The following CAPN11 variants were observed in gnomAD, a reference collection of about 807,000 sequenced individuals.
CAPN11 encodes the protein calpain 11.
CAPN11 carries 108 observed loss-of-function variants against 105.3 expected under a neutral mutation model. That is an observed-to-expected ratio of 1.03 (90% CI 0.88 to 1.20). The LOEUF (loss-of-function observed/expected upper bound fraction) is 1.20. Ranked by LOEUF, CAPN11 falls within the 50% of genes most tolerant of loss-of-function variation. The pLI, the probability that CAPN11 is intolerant of heterozygous loss-of-function variation, is 0.00. For missense variants in CAPN11, 883 were observed against 924.8 expected, an observed-to-expected ratio of 0.95 and a Z score of 0.59; for synonymous variants, 329 against 344.5, an observed-to-expected ratio of 0.96 and a Z score of 0.50.
At position 44,177,421 on chromosome 6, in the gene CAPN11, G is replaced by T. The variant is rs779326578; in HGVS notation, c.1416+1G>T. The T allele has an allele frequency of 3.7e-6, 6 of 1,608,348 alleles. No individual in the cohort carries two copies. Among genetic ancestry groups the T allele is most frequent in the Admixed American group, 3.3e-5 (2 of 59,906 alleles). On this transcript the variant is annotated splice_donor_variant, in intron 12 of 22. Transcript: ENST00000398776. LOFTEE classifies it high-confidence loss of function. ...GACCATTGGCTTTGTCCTCTACGCG[G>T]TGGGTGCCTGGCTGGTCTCGCCCGC... is the stretch of plus-strand genomic sequence containing the variant.
chr6:44,162,374 C>G (rs1036160238), intron 1 of CAPN11, among the ~76,000 whole-genome samples: 1 of 125,406 alleles, frequency 8.0e-6, no homozygotes, highest in South Asian at 2.7e-4. Context: ...TAAAGACACA[C>G]ACACACACAC....
intron 13 of CAPN11, 56 bp from the exon 14 acceptor site, chr6:44,179,896 C>A: frequency 7.2e-7 from 1 of 1,395,744 alleles, no homozygotes; most frequent in Non-Finnish European, 1.0e-6. Context: ...CCCTGGGGGA[C>A]CCTCCCTCCC....
At chr6:44,160,122 G>A (rs566926256) in intron 1 of CAPN11, among the ~76,000 whole-genome samples, 38 of 151,802 alleles carry the variant, frequency 2.5e-4, no homozygotes, top group African/African-American at 8.0e-4. Flanking sequence ...GCGACACAGC[G>A]AGACTCCATC....
In CAPN11 at chr6:44,176,581, T is replaced by A; in HGVS notation, c.1002T>A (p.Ser334Arg). 1 of 1,612,160 alleles carries A rather than the reference T, an allele frequency of 6.2e-7. No homozygotes were observed. The highest frequency in any genetic ancestry group is 8.5e-7 in the Non-Finnish European group (1 of 1,178,694). ...CTTCCACCGCCCATCTCTGCTCCAG[T>A]GCCAGGGAGTGGGAAGAGGTGGCCT... ...RIEWNGAWSD[S>R]AREWEEVASD... Residue 334 changes from serine to arginine, a missense_variant and splice_region_variant, in exon 10 of 23, where the codon AGT becomes AGA. Transcript: ENST00000398776.
rs751274577 is a variant in CAPN11, at chr6:44,173,038, G to A, written c.627G>A (p.Glu209=). The A allele has an allele frequency of 1.6e-5, 26 of 1,613,484 alleles. No homozygotes were observed. The Admixed American group carries it at 4.2e-4, about 26-fold the overall frequency. The change falls in exon 6 of 23, where the codon GAG becomes GAA. Residue 209 remains glutamate, a synonymous_variant. Coordinates refer to ENST00000398776, the MANE Select transcript of CAPN11 (RefSeq NM_007058.4). ...LVFVHSTERS[E]FWSALLEKAY... is the part of the protein sequence containing the mutation. ...TTGTGCACTCAACCGAACGCAGTGA[G>A]TTCTGGAGTGCCCTGCTGGAGAAGG...
At chr6:44,172,818 C>T in intron 5 of CAPN11, 122 bp from the exon 6 acceptor site, 1 of 1,170,682 alleles carries the variant, frequency 8.5e-7, no homozygotes, top group Non-Finnish European at 1.2e-6. Context: ...GTTGCCTTTC[C>T]CTCTCTATTC....
At position 44,176,948 on chromosome 6, in the gene CAPN11, A is replaced by T. The variant is rs773893041; in HGVS notation, c.1187A>T (p.Glu396Val). ...YKSYWHTTFY[E>V]GSWRRGSSAG... is the part of the protein sequence containing the mutation. ...AGCTACTGGCACACCACCTTCTACG[A>T]GGGCAGCTGGCGCAGAGGCAGCTCC... The change falls in exon 11 of 23, where the codon GAG becomes GTG. Residue 396 changes from glutamate (E) to valine (V), a missense_variant. Coordinates refer to ENST00000398776, the MANE Select transcript of CAPN11 (RefSeq NM_007058.4). The T allele has an allele frequency of 6.1e-5, 98 of 1,613,682 alleles. No homozygotes were observed. The highest frequency in any genetic ancestry group is 7.6e-5 in the Non-Finnish European group (90 of 1,179,862).
At position 44,158,881 on chromosome 6, in the gene CAPN11, C is replaced by T. The variant is rs962485257; in HGVS notation, c.16+17C>T. The T allele has an allele frequency of 1.9e-6, 3 of 1,549,928 alleles. No homozygotes were observed. The highest frequency in any genetic ancestry group is 2.6e-6 in the Non-Finnish European group (3 of 1,145,542). On this transcript the variant is annotated intron_variant, in intron 1 of 22. Transcript: ENST00000398776. Reference sequence around the variant, plus strand: ...ACTCCCCAGGTAGGCACTCATGGGGCCTTGCCCCACTCCTGTACCTCCTGC... The same window carrying T: ...ACTCCCCAGGTAGGCACTCATGGGGTCTTGCCCCACTCCTGTACCTCCTGC...
chr6:44,160,625 C>A (rs995448781), intron 1 of CAPN11, among the ~76,000 whole-genome samples: 7 of 151,432 alleles, frequency 4.6e-5, no homozygotes, highest in African/African-American at 7.3e-5. Flanking sequence ...TCAAAAAAAA[C>A]CTCAAAAAAC....
At chr6:44,172,896 A>G (rs375296253) in intron 5 of CAPN11, 44 bp from the exon 6 acceptor site, 46 of 1,599,676 alleles carry the variant, frequency 2.9e-5, no homozygotes, top group Non-Finnish European at 3.7e-5. Context: ...GAGGCGCTTG[A>G]TGATAGGGTT....
intron 2 of CAPN11, among the ~76,000 whole-genome samples, chr6:44,168,038 A>G (rs986242991): frequency 1.3e-5 from 2 of 152,148 alleles, no homozygotes; most frequent in Non-Finnish European, 2.9e-5. Context: ...AATGGAAAAA[A>G]ACCCAAAAAA....
At chr6:44,162,720 C>T (rs535392720) in intron 1 of CAPN11, among the ~76,000 whole-genome samples, 1 of 152,290 alleles carries the variant, frequency 6.6e-6, no homozygotes, top group African/African-American at 2.4e-5. Flanking sequence ...TTTCATGGCA[C>T]TTTCTCCTGT....
chr6:44,177,271 ATCTC>A lies in CAPN11; in HGVS notation c.1271_1274del (p.Ser424PhefsTer24). On this transcript the variant is annotated frameshift_variant, in exon 12 of 23. Transcript: ENST00000398776. LOFTEE classifies it high-confidence loss of function. ...GTTCTGGACCAACCCCCAGTTTAAGATCTCTCTTCCTGAGGGGGATGACCCAGAG... is the reference window on the plus strand; with the variant it reads ...GTTCTGGACCAACCCCCAGTTTAAGATCTTCCTGAGGGGGATGACCCAGAG... 1 of 1,605,212 alleles carries A rather than the reference ATCTC, an allele frequency of 6.2e-7. No individual in the cohort carries two copies. The highest frequency in any genetic ancestry group is 8.5e-7 in the Non-Finnish European group (1 of 1,175,900).
At chr6:44,159,061 C>A (rs1000961760) in intron 1 of CAPN11, among the ~76,000 whole-genome samples, 197 bp downstream of exon 1, 2 of 151,946 alleles carry the variant, frequency 1.3e-5, no homozygotes, top group Non-Finnish European at 2.9e-5. Context: ...AAGGACAGGA[C>A]CTGGGCCTCG....
Position 44,177,287 on chromosome 6 carries a change from G to T in CAPN11, c.1283G>T (p.Gly428Val), listed in dbSNP as rs1561849489. 1 of 1,611,988 alleles carries T rather than the reference G, an allele frequency of 6.2e-7. No individual in the cohort carries two copies. Among genetic ancestry groups the T allele is most frequent in the East Asian group, 2.2e-5 (1 of 44,814 alleles). The change falls in exon 12 of 23, where the codon GGG becomes GTG. Residue 428 changes from glycine (G) to valine (V), a missense_variant. By Grantham distance (109) the Gly-to-Val change is moderately radical. Transcript: ENST00000398776. ...CAGTTTAAGATCTCTCTTCCTGAGG[G>T]GGATGACCCAGAGGATGACGCAGAG... ...NPQFKISLPE[G>V]DDPEDDAEGN...
rs1157127988 is a variant in CAPN11, at chr6:44,182,829, C to T, written c.1939-112C>T. 1.6e-5 allele frequency: 12 copies of T among 751,080 alleles called. 1 individual carries two copies. The highest frequency in any genetic ancestry group is 2.5e-5 in the Non-Finnish European group (11 of 435,822). 46.5% of individuals were successfully genotyped at this position (751,080 alleles called of 1,614,324 possible). A position where few individuals can be genotyped will look rare whatever the true frequency, so the allele number is the denominator to read the frequency against. On this transcript the variant is annotated intron_variant, in intron 19 of 22. Coordinates refer to ENST00000398776, the MANE Select transcript of CAPN11 (RefSeq NM_007058.4). ...CCTCAGATGATCCGCCTGCCTCGGC[C>T]TTTCAAAGTGCTGGGATTACAGGCA...
At position 44,184,067 on chromosome 6, in the gene CAPN11, G is replaced by C. The variant is rs41282656; in HGVS notation, c.*135G>C. 0.14 allele frequency: 130,078 copies of C among 931,580 alleles called. 10,159 individuals are homozygous for C. Among genetic ancestry groups the C allele is most frequent in the Middle Eastern group, 0.17 (549 of 3,236 alleles). 57.7% of individuals were successfully genotyped at this position (931,580 alleles called of 1,614,324 possible). A position where few individuals can be genotyped will look rare whatever the true frequency, so the allele number is the denominator to read the frequency against. ...AAATGGGCTCCAGGTGGCAGTGCCC[G>C]GGTCCCAGGTGCCGTGTTTACTGCA... On this transcript the variant is annotated 3_prime_UTR_variant, in exon 23 of 23. Transcript: ENST00000398776.
intron 4 of CAPN11, among the ~76,000 whole-genome samples, chr6:44,171,132 C>T (rs1323786066): frequency 6.6e-6 from 1 of 152,140 alleles, no homozygotes; most frequent in Non-Finnish European, 1.5e-5. Context: ...CTTGATATTC[C>T]TCTCTCCAGG....
Position 44,169,551 on chromosome 6 carries a change from C to A in CAPN11, c.339+20C>A. The A allele has an allele frequency of 1.3e-6, 2 of 1,530,088 alleles. No homozygotes were observed. The highest frequency in any genetic ancestry group is 8.8e-7 in the Non-Finnish European group (1 of 1,137,816). The allele number at this position is 1,530,088 out of a possible 1,614,324, so 94.8% of individuals were successfully genotyped here. On this transcript the variant is annotated intron_variant, in intron 3 of 22. Coordinates refer to ENST00000398776, the MANE Select transcript of CAPN11 (RefSeq NM_007058.4). The stretch of plus-strand genomic sequence containing the variant: ...CCCAAGGTGGGCACTGGAAGGGAGG[C>A]ATGGACTCATGGATGGAAGGGAGCT...
Sources: gnomAD v4.1 joint callset for allele counts (sites outside exome capture counted in the v4.1 genomes callset) on GRCh38, gnomAD v4.1.1 for gene constraint, MANE v1.5 for transcripts, NCBI Gene and HGNC (gene_info 2026-07-23, HGNC 2026-07-21) for gene names.